Variants in SIRT2 observed in about 807,000 individuals in gnomAD.
SIRT2 encodes the protein NAD-dependent protein deacetylase sirtuin-2.
Under a neutral mutation model 57.4 loss-of-function variants are expected in SIRT2, and 40 were observed. The ratio of observed to expected loss-of-function variants is 0.70; its 90% CI spans 0.54 to 0.91. The LOEUF (loss-of-function observed/expected upper bound fraction) is 0.91. Ranked by LOEUF, SIRT2 falls within the 40% of genes least tolerant of loss-of-function variation. The pLI, the probability that SIRT2 is intolerant of heterozygous loss-of-function variation, is 0.00. For synonymous variants in SIRT2, 161 were observed against 195.7 expected (o/e 0.82, Z 1.48); for missense variants, 439 against 510.4 (o/e 0.86, Z 1.35).
intron 13 of SIRT2, 36 bp from the exon 14 acceptor site, chr19:38,879,738 G>A (rs758317201): frequency 6.6e-7 from 1 of 1,507,354 alleles, no homozygotes. Flanking sequence ...GCAGGAGCAG[G>A]GAAGGGAGAG....
chr19:38,889,408 C>T (rs1021494963), intron 7 of SIRT2: 9 of 694,990 alleles, frequency 1.3e-5, no homozygotes, highest in Non-Finnish European at 2.4e-5. Context: ...GGCAGCCCGG[C>T]TGCAGGGTCC....
rs35505058 is a variant in SIRT2, at chr19:38,884,435, GGTTT to G, written c.502-683_502-680del. 2.2e-3 allele frequency among the ~76,000 whole-genome samples: 341 copies of G among 151,740 alleles called. 1 individual carries two copies. The highest frequency in any genetic ancestry group is 4.3e-3 in the Admixed American group (65 of 15,194). On this transcript the variant is annotated intron_variant, in intron 8 of 15. Coordinates refer to ENST00000249396, the MANE Select transcript of SIRT2 (RefSeq NM_012237.4). Reference sequence around the variant, plus strand: ...TGAATCAGGAGGGCTTACTAGGTGTGGTTTGTTTGTTTGTTTGTTTGTTTGTTTT... The same window carrying G: ...TGAATCAGGAGGGCTTACTAGGTGTGGTTTGTTTGTTTGTTTGTTTGTTTT...
At chr19:38,881,601 T>G (rs1348757327) in intron 9 of SIRT2, 110 bp from the exon 10 acceptor site, 4 of 826,324 alleles carry the variant, frequency 4.8e-6, no homozygotes, top group Non-Finnish European at 8.2e-6. Context: ...CACACCTCCA[T>G]CACTTGGAGT....
intron 2 of SIRT2, chr19:38,894,087 G>T: frequency 1.1e-6 from 1 of 880,420 alleles, no homozygotes; most frequent in Non-Finnish European, 1.7e-6. Flanking sequence ...GACCTCATGT[G>T]AGTGGCTTTG....
rs746574931 is a variant in SIRT2, at chr19:38,893,442, C to G, written c.198G>C (p.Gly66=). 8 of 1,613,828 alleles carry G rather than the reference C, an allele frequency of 5.0e-6. No homozygotes were observed. The highest frequency in any genetic ancestry group is 5.1e-6 in the Non-Finnish European group (6 of 1,179,768). Residue 66 remains glycine, a synonymous_variant, in exon 4 of 16, where the codon GGG becomes GGC. Transcript: ENST00000249396. ...GTTCGCTCTGCATGTACCGGGCCACCCCTTCCAAGGTCAGCTCGTCCAGCA... is the reference window on the plus strand; with the variant it reads ...GTTCGCTCTGCATGTACCGGGCCACGCCTTCCAAGGTCAGCTCGTCCAGCA... The part of the protein sequence containing the change: ...ERLLDELTLE[G]VARYMQSERC...
rs947891609 is a variant in SIRT2, at chr19:38,885,825, G to A, written c.502-2069C>T. Reference sequence around the variant, plus strand: ...AGGATGGTCTCGATCTCCTGACCTCGTGATCTGCCCACCTCAGCCTCCCAA... The same window carrying A: ...AGGATGGTCTCGATCTCCTGACCTCATGATCTGCCCACCTCAGCCTCCCAA... On this transcript the variant is annotated intron_variant, in intron 8 of 15. Coordinates refer to ENST00000249396, the MANE Select transcript of SIRT2 (RefSeq NM_012237.4). Among the ~76,000 whole-genome samples, 9 of 152,086 alleles carry A rather than the reference G, an allele frequency of 5.9e-5. No homozygotes were observed. In the East Asian group the frequency reaches 7.7e-4, roughly 13 times the overall value.
In SIRT2 at chr19:38,879,236, G is replaced by A. The variant is rs1973042325; in HGVS notation, c.1089C>T (p.Pro363=). Residue 363 remains proline (P), a synonymous_variant, in exon 16 of 16, where the codon CCC becomes CCT. Transcript: ENST00000249396. ...DAQSGAGVPN[P]STSASPKKSP... ...ACTTCTTGGGGGAAGCTGAAGTGCT[G>A]GGGTTGGGGACCCCCGCCCCCGACT... 5 of 1,602,686 alleles carry A rather than the reference G, an allele frequency of 3.1e-6. No homozygotes were observed. The highest frequency in any genetic ancestry group is 3.4e-6 in the Non-Finnish European group (4 of 1,176,892).
In SIRT2 at chr19:38,894,091, GGCTTT is replaced by G. The variant is rs144593299; in HGVS notation, c.64-229_64-225del. On this transcript the variant is annotated intron_variant, in intron 2 of 15. Coordinates refer to ENST00000249396, the MANE Select transcript of SIRT2 (RefSeq NM_012237.4). The stretch of plus-strand genomic sequence containing the variant: ...CCCAGGAGCAAGACCTCATGTGAGT[GGCTTT>G]GCTTTGCTTTTCTTTTTTGAGACAG... 4.4e-3 allele frequency: 3,808 copies of G among 856,490 alleles called. 70 individuals are homozygous for G. The highest frequency in any genetic ancestry group is 0.038 in the African/African-American group (2,183 of 57,358). 53.1% of individuals were successfully genotyped at this position (856,490 alleles called of 1,614,324 possible). A position where few individuals can be genotyped will look rare whatever the true frequency, so the allele number is the denominator to read the frequency against.
intron 8 of SIRT2, among the ~76,000 whole-genome samples, chr19:38,884,241 T>C (rs1210293955): frequency 6.6e-6 from 1 of 152,146 alleles, no homozygotes; most frequent in Non-Finnish European, 1.5e-5. Flanking sequence ...AAAAAAAATG[T>C]TGTTTTATTA....
intron 4 of SIRT2, chr19:38,890,467 G>C (rs941313566): frequency 2.9e-6 from 1 of 346,568 alleles, no homozygotes; most frequent in Non-Finnish European, 5.4e-6. Context: ...GAGGCAGGCG[G>C]GTCATCTGAG....
chr19:38,889,725 G>A lies in SIRT2; in HGVS notation c.396C>T (p.Phe132=), dbSNP rs769837989. Residue 132 remains phenylalanine, a synonymous_variant, in exon 7 of 16, where the codon TTC becomes TTT. Coordinates refer to ENST00000249396, the MANE Select transcript of SIRT2 (RefSeq NM_012237.4). ...CAGGATAGAGTTCCTTGGCGAGGGC[G>A]AAGAAGGGTTCCGGATGTTTCTGTA... The part of the protein sequence containing the change: ...SYFKKHPEPF[F]ALAKELYPGQ... The A allele has an allele frequency of 1.8e-5, 29 of 1,614,046 alleles. No individual in the cohort carries two copies. Among genetic ancestry groups the A allele is most frequent in the Admixed American group, 1.5e-4 (9 of 59,990 alleles).
In SIRT2 at chr19:38,899,498, C is replaced by T. The variant is rs779557571; in HGVS notation, c.16+8G>A. On this transcript the variant is annotated splice_region_variant and intron_variant, in intron 1 of 15. Transcript: ENST00000249396. ...GGCCCGACCCTCCTACCCGGATCCC[C>T]GACTCACGGTCTGGCTCTGCCATGG... The T allele has an allele frequency of 8.1e-6, 13 of 1,613,420 alleles. No individual in the cohort carries two copies. In the South Asian group the frequency reaches 1.4e-4, roughly 18 times the overall value.
rs202052055 is a variant in SIRT2, at chr19:38,893,781, C to A, written c.112+38G>T. 145 of 1,612,304 alleles carry A rather than the reference C, an allele frequency of 9.0e-5. No individual in the cohort carries two copies. The African/African-American group carries it at 1.7e-3, about 19-fold the overall frequency. ...CCTGCCCTGAAATCCCCCCGCCCCC[C>A]AGAACCCTGCTCCCTGTCCCTCCAG... On this transcript the variant is annotated intron_variant, in intron 3 of 15. Transcript: ENST00000249396.
At chr19:38,897,782 T>G (rs146663213) in intron 2 of SIRT2, among the ~76,000 whole-genome samples, 229 of 152,264 alleles carry the variant, frequency 1.5e-3, no homozygotes, top group African/African-American at 5.0e-3. Flanking sequence ...TACCTCAGCC[T>G]CCCAAAGTAC....
At chr19:38,893,724 C>G (rs1600126894) in intron 3 of SIRT2, 95 bp downstream of exon 3, 1 of 1,474,160 alleles carries the variant, frequency 6.8e-7, no homozygotes, top group African/African-American at 1.4e-5. Flanking sequence ...GGATGTCACT[C>G]CTGATGGAGT....
At chr19:38,896,493 G>A (rs942017987) in intron 2 of SIRT2, among the ~76,000 whole-genome samples, 2 of 152,110 alleles carry the variant, frequency 1.3e-5, no homozygotes, top group Non-Finnish European at 2.9e-5. Context: ...GATTACAGGT[G>A]TGAGCCACCG....
In SIRT2 at chr19:38,895,613, T is replaced by C. The variant is rs143868224; in HGVS notation, c.64-1746A>G. ...TGAATAAGACCCTCCCTTCCGAACA[T>C]ACGACAATTTAAAAAATTGCTTTTT... On this transcript the variant is annotated intron_variant, in intron 2 of 15. Coordinates refer to ENST00000249396, the MANE Select transcript of SIRT2 (RefSeq NM_012237.4). Among the ~76,000 whole-genome samples, 974 of 152,292 alleles carry C rather than the reference T, an allele frequency of 6.4e-3. 10 individuals are homozygous for C. Among genetic ancestry groups the C allele is most frequent in the African/African-American group, 0.022 (931 of 41,564 alleles).
intron 1 of SIRT2, 38 bp downstream of exon 1, chr19:38,899,468 G>C: frequency 6.2e-7 from 1 of 1,611,012 alleles, no homozygotes; most frequent in Non-Finnish European, 8.5e-7. Flanking sequence ...GCCAGGCCCC[G>C]GCGCGGCCCG....
In SIRT2 at chr19:38,893,397, C is replaced by A; in HGVS notation, c.226+17G>T. ...CAGGAGCCAGGCAAAGTGGCCCAAT[C>A]CTGACAGGGGACTCACAGCGTTCGC... On this transcript the variant is annotated intron_variant, in intron 4 of 15. Transcript: ENST00000249396. The A allele has an allele frequency of 1.3e-6, 2 of 1,565,610 alleles. No homozygotes were observed.
Sources: gnomAD v4.1 joint callset for allele counts (sites outside exome capture counted in the v4.1 genomes callset) on GRCh38, gnomAD v4.1.1 for gene constraint, MANE v1.5 for transcripts, NCBI Gene and HGNC (gene_info 2026-07-23, HGNC 2026-07-21) for gene names.